The following ESRRG variants were observed in gnomAD, a reference collection of about 807,000 sequenced individuals.
The protein encoded by ESRRG is estrogen-related receptor gamma.
In ESRRG, 13 loss-of-function variants were observed where a neutral mutation model predicts 44.0. The observed-to-expected ratio is 0.30, with a 90% CI of 0.19 to 0.47. ESRRG has a LOEUF of 0.47. ESRRG is among the 20% of genes least tolerant of loss of function. The pLI is 1.00. For synonymous variants in ESRRG, 215 were observed against 214.6 expected (o/e 1.00, Z -0.02); for missense variants, 395 against 580.6 (o/e 0.68, Z 3.29).
In ESRRG at chr1:216,639,519, C is replaced by T. The variant is rs117460078; in HGVS notation, c.589+11454G>A. Among the ~76,000 whole-genome samples, 443 of 152,210 alleles carry T rather than the reference C, an allele frequency of 2.9e-3. 12 individuals are homozygous for T. In the East Asian group the frequency reaches 0.051, roughly 17 times the overall value. ...GCTGGCTTGAACTGAGACACAAAACCAGAAATTGGTACAGAAACCAGGTCT... is the reference window on the plus strand; with the variant it reads ...GCTGGCTTGAACTGAGACACAAAACTAGAAATTGGTACAGAAACCAGGTCT... On this transcript the variant is annotated intron_variant, in intron 3 of 6. Coordinates refer to ENST00000408911, the MANE Select transcript of ESRRG (RefSeq NM_001438.4).
At chr1:216,893,204 T>A in intron 2 of ESRRG, among the ~76,000 whole-genome samples, 1 of 152,148 alleles carries the variant, frequency 6.6e-6, no homozygotes. Context: ...TCTGTTTCCT[T>A]TAACAGCATG....
At chr1:216,995,939 A>G (rs529450909) in intron 1 of ESRRG, among the ~76,000 whole-genome samples, 31 of 152,310 alleles carry the variant, frequency 2.0e-4, no homozygotes, top group African/African-American at 7.5e-4. Flanking sequence ...AGCAGAAATG[A>G]AGAGTGAGCT....
Position 216,936,041 on chromosome 1 carries a change from C to T in ESRRG, c.-14+3541G>A, listed in dbSNP as rs1157134982. Among the ~76,000 whole-genome samples the T allele has an allele frequency of 2.0e-5, 3 of 152,002 alleles. No individual in the cohort carries two copies. In the East Asian group the frequency reaches 5.8e-4, roughly 30 times the overall value. On this transcript the variant is annotated intron_variant, in intron 2 of 7. Coordinates refer to the ESRRG transcript ENST00000359162. The stretch of plus-strand genomic sequence containing the variant: ...GAAAGTTCCAAGCTTGTAATCATGG[C>T]TTGTTTTTTCTGGTGACCAGAACCC...
At chr1:216,621,868 C>T (rs2062294612) in intron 3 of ESRRG, among the ~76,000 whole-genome samples, 1 of 152,176 alleles carries the variant, frequency 6.6e-6, no homozygotes, top group Admixed American at 6.5e-5. Flanking sequence ...CTTTCCCTTT[C>T]TAGGCCCACT....
chr1:216,995,413 G>T (rs991580972), intron 1 of ESRRG, among the ~76,000 whole-genome samples: 5 of 152,072 alleles, frequency 3.3e-5, no homozygotes, highest in Non-Finnish European at 5.9e-5. Flanking sequence ...GCTCTCCATT[G>T]CCTTCAGGAT....
At chr1:216,548,055 T>G (rs969114964) in intron 5 of ESRRG, among the ~76,000 whole-genome samples, 5 of 152,022 alleles carry the variant, frequency 3.3e-5, no homozygotes, top group African/African-American at 1.2e-4. Context: ...TAGAAAGACC[T>G]GGACAGTATT....
At chr1:216,521,575 G>C (rs545697274) in intron 5 of ESRRG, among the ~76,000 whole-genome samples, 1 of 152,242 alleles carries the variant, frequency 6.6e-6, no homozygotes, top group South Asian at 2.1e-4. Flanking sequence ...CAGATGGACA[G>C]AGCGTGTAGC....
intron 3 of ESRRG, among the ~76,000 whole-genome samples, chr1:216,569,585 A>T (rs1190002224): frequency 6.6e-6 from 1 of 152,208 alleles, no homozygotes; most frequent in Non-Finnish European, 1.5e-5. Flanking sequence ...CCAGACTATA[A>T]TTGTAAAGTT....
intron 1 of ESRRG, among the ~76,000 whole-genome samples, chr1:216,699,307 A>G (rs1157715457): frequency 6.6e-6 from 1 of 152,212 alleles, no homozygotes; most frequent in Non-Finnish European, 1.5e-5. Flanking sequence ...ATATGGCAAC[A>G]GTGTGCTGTA....
chr1:216,869,344 A>C (rs2096225533), intron 2 of ESRRG, among the ~76,000 whole-genome samples: 1 of 152,090 alleles, frequency 6.6e-6, no homozygotes. Context: ...CTTTTGTACC[A>C]TTGTCAAAAA....
At chr1:216,739,761 A>G (rs1480312445) in intron 2 of ESRRG, among the ~76,000 whole-genome samples, 1 of 152,222 alleles carries the variant, frequency 6.6e-6, no homozygotes, top group Non-Finnish European at 1.5e-5. Flanking sequence ...CTATTTTGCT[A>G]ATATGGCTCT....
chr1:216,954,284 A>G (rs944584276), intron 1 of ESRRG, among the ~76,000 whole-genome samples: 2 of 152,112 alleles, frequency 1.3e-5, no homozygotes, highest in Non-Finnish European at 2.9e-5. Context: ...AAACTTCAAC[A>G]CAGCCCCTCT....
chr1:216,649,187 C>G (rs575082356), intron 3 of ESRRG, among the ~76,000 whole-genome samples: 215 of 152,252 alleles, frequency 1.4e-3, no homozygotes, highest in Non-Finnish European at 2.2e-3. Flanking sequence ...TTAGCAAGAA[C>G]CACCTTATCT....
rs11117757 is a variant in ESRRG, at chr1:217,046,955, T to C, written c.-106+42552A>G. On this transcript the variant is annotated intron_variant, in intron 1 of 7. Coordinates refer to the ESRRG transcript ENST00000359162. The stretch of plus-strand genomic sequence containing the variant: ...AGAGACAAAATTATTCCTTAGTTGG[T>C]AAGATTTGTTGTAAGCTGATTGAAT... Among the ~76,000 whole-genome samples, 1,172 of 152,174 alleles carry C rather than the reference T, an allele frequency of 7.7e-3. 17 individuals carry two copies. The highest frequency in any genetic ancestry group is 0.027 in the African/African-American group (1,114 of 41,522).
intron 1 of ESRRG, among the ~76,000 whole-genome samples, chr1:216,957,159 A>T (rs1035067768): frequency 6.6e-6 from 1 of 152,130 alleles, no homozygotes; most frequent in African/African-American, 2.4e-5. Context: ...TGCTTCTTTT[A>T]TCTACTCTCT....
At chr1:216,856,242 G>T (rs928259044) in intron 2 of ESRRG, among the ~76,000 whole-genome samples, 14 of 151,840 alleles carry the variant, frequency 9.2e-5, no homozygotes, top group African/African-American at 3.1e-4. Context: ...ATGGATGAAT[G>T]GATCTCAAAC....
chr1:216,544,358 CA>C (rs2149306133), intron 5 of ESRRG, among the ~76,000 whole-genome samples: 1 of 152,124 alleles, frequency 6.6e-6, no homozygotes, highest in African/African-American at 2.4e-5. Context: ...TCTTCCTAAA[CA>C]AAGTCTATTA....
At position 216,971,868 on chromosome 1, in the gene ESRRG, T is replaced by C. The variant is rs563168434; in HGVS notation, c.-105-32195A>G. 2.6e-5 allele frequency among the ~76,000 whole-genome samples: 4 copies of C among 152,314 alleles called. No individual in the cohort carries two copies. In the East Asian group the frequency reaches 7.7e-4, roughly 29 times the overall value. On this transcript the variant is annotated intron_variant, in intron 1 of 7. Coordinates refer to the ESRRG transcript ENST00000359162. ...GAAATCTTATCTGAGGTGAAGATTA[T>C]CTCTTTTCCTTCAGCTACGCTAATC...
chr1:216,598,901 C>G, intron 3 of ESRRG, among the ~76,000 whole-genome samples: 1 of 152,006 alleles, frequency 6.6e-6, no homozygotes, highest in South Asian at 2.1e-4. Flanking sequence ...TTCTGACACT[C>G]AAAGCTTTTG....
Sources: gnomAD v4.1 joint callset for allele counts (sites outside exome capture counted in the v4.1 genomes callset) on GRCh38, gnomAD v4.1.1 for gene constraint, MANE v1.5 for transcripts, NCBI Gene and HGNC (gene_info 2026-07-23, HGNC 2026-07-21) for gene names.